HDGFL3: variants seen among roughly 807,000 people sequenced by gnomAD.
HDGFL3 encodes hepatoma-derived growth factor-related protein 3.
Under a neutral mutation model 27.6 loss-of-function variants are expected in HDGFL3, and 6 were observed. The ratio of observed to expected loss-of-function variants is 0.22; its 90% CI spans 0.12 to 0.43. The LOEUF (loss-of-function observed/expected upper bound fraction) is 0.43. HDGFL3 is among the 20% of genes least tolerant of loss of function. The pLI is 1.00. For synonymous variants in HDGFL3, 88 were observed against 88.9 expected (o/e 0.99, Z 0.05); for missense variants, 207 against 250.1 (o/e 0.83, Z 1.16).
intron 1 of HDGFL3, among the ~76,000 whole-genome samples, chr15:83,189,086 T>C (rs1299629171): frequency 4.6e-5 from 7 of 152,058 alleles, no homozygotes; most frequent in Non-Finnish European, 7.4e-5. Flanking sequence ...AACTAACCAC[T>C]TCTTTCTACA....
rs2036351545 is a variant in HDGFL3, at chr15:83,132,901, ACACT to A, written c.*6365_*6368del. 1 of 152,230 alleles carries A rather than the reference ACACT, an allele frequency of 6.6e-6. No individual in the cohort carries two copies. Among genetic ancestry groups the A allele is most frequent in the African/African-American group, 2.4e-5 (1 of 41,448 alleles). 9.4% of individuals were successfully genotyped at this position (152,230 alleles called of 1,614,324 possible). A position where few individuals can be genotyped will look rare whatever the true frequency, so the allele number is the denominator to read the frequency against. On this transcript the variant is annotated 3_prime_UTR_variant, in exon 6 of 6. Transcript: ENST00000299633. ...TTTATGTACTTATCCTTTCATGGAG[ACACT>A]CACAGTAAAAAGGTCAAAAGGTCAA...
intron 1 of HDGFL3, among the ~76,000 whole-genome samples, chr15:83,198,661 G>C (rs1388439490): frequency 6.6e-6 from 1 of 152,172 alleles, no homozygotes; most frequent in Non-Finnish European, 1.5e-5. Flanking sequence ...TAAGGGCCAC[G>C]TGCTAACTCA....
chr15:83,127,450 A>T, downstream of HDGFL3: 1 of 1,613,848 alleles, frequency 6.2e-7, no homozygotes. Flanking sequence ...CTGACATCAC[A>T]TTGATACATG....
intron 5 of HDGFL3, among the ~76,000 whole-genome samples, chr15:83,145,901 T>C (rs2036883967): frequency 1.1e-4 from 1 of 8,812 alleles, no homozygotes; most frequent in South Asian, 7.9e-3. Context: ...TTCTTCCTTT[T>C]TTTTTTTTTT....
At chr15:83,161,760 G>C (rs536011357) in intron 2 of HDGFL3, among the ~76,000 whole-genome samples, 1 of 152,170 alleles carries the variant, frequency 6.6e-6, no homozygotes, top group East Asian at 1.9e-4. Flanking sequence ...TTTTTTTCTG[G>C]ATTATAGATA....
At position 83,157,971 on chromosome 15, in the gene HDGFL3, G is replaced by A. The variant is rs1426059260; in HGVS notation, c.232C>T (p.Arg78Trp). 3.1e-6 allele frequency: 5 copies of A among 1,611,736 alleles called. No individual in the cohort carries two copies. Among genetic ancestry groups the A allele is most frequent in the Non-Finnish European group, 4.2e-6 (5 of 1,178,344 alleles). ...YKDKFGKSNK[R>W]KGFNEGLWEI... Reference sequence around the variant, plus strand: ...CACAATCCTTCGTTAAATCCTTTCCGTTTGTTTGACTTTCCAAACTTGTCT... The same window carrying A: ...CACAATCCTTCGTTAAATCCTTTCCATTTGTTTGACTTTCCAAACTTGTCT... The change falls in exon 3 of 6, where the codon CGG becomes TGG. Residue 78 changes from arginine to tryptophan, a missense_variant. Coordinates refer to ENST00000299633, the MANE Select transcript of HDGFL3 (RefSeq NM_016073.4).
At chr15:83,178,233 A>C (rs2037336944) in intron 1 of HDGFL3, among the ~76,000 whole-genome samples, 2 of 152,228 alleles carry the variant, frequency 1.3e-5, no homozygotes, top group Non-Finnish European at 2.9e-5. Flanking sequence ...TGAATCTACT[A>C]ATGTCAAATA....
At chr15:83,197,843 G>A (rs2151421972) in intron 1 of HDGFL3, among the ~76,000 whole-genome samples, 1 of 151,996 alleles carries the variant, frequency 6.6e-6, no homozygotes, top group Middle Eastern at 3.4e-3. Flanking sequence ...AGACCAGCCT[G>A]CCCAACATGG....
intron 5 of HDGFL3, among the ~76,000 whole-genome samples, chr15:83,139,766 G>A (rs1014045421): frequency 2.6e-5 from 4 of 152,160 alleles, no homozygotes; most frequent in African/African-American, 9.7e-5. Context: ...AGTTAATCAT[G>A]ATGTACAAAG....
At position 83,136,542 on chromosome 15, in the gene HDGFL3, C is replaced by A. The variant is rs1391350673; in HGVS notation, c.*2728G>T. ...AGAACTGCTTATGTCTACAGAGTCC[C>A]TGAAGAAGCAAAAATCCTTTTTTTA... On this transcript the variant is annotated 3_prime_UTR_variant, in exon 6 of 6. Coordinates refer to ENST00000299633, the MANE Select transcript of HDGFL3 (RefSeq NM_016073.4). 3.1e-6 allele frequency: 5 copies of A among 1,613,584 alleles called. No individual in the cohort carries two copies. The South Asian group carries it at 5.5e-5, about 18-fold the overall frequency.
chr15:83,191,835 A>T (rs1433984904), intron 1 of HDGFL3, among the ~76,000 whole-genome samples: 1 of 152,124 alleles, frequency 6.6e-6, no homozygotes, highest in Non-Finnish European at 1.5e-5. Flanking sequence ...AAGCATGATA[A>T]TCCATCAAAT....
intron 5 of HDGFL3, among the ~76,000 whole-genome samples, chr15:83,140,480 AGT>A (rs2036746119): frequency 1.8e-5 from 2 of 111,010 alleles, no homozygotes; most frequent in Non-Finnish European, 1.8e-5. Context: ...AACCAAAGAA[AGT>A]TTTTTTTTTT....
intron 4 of HDGFL3, among the ~76,000 whole-genome samples, chr15:83,153,365 T>G (rs1180930594): frequency 6.6e-6 from 1 of 152,156 alleles, no homozygotes; most frequent in Admixed American, 6.5e-5. Flanking sequence ...TTTCTAATGC[T>G]CATAAAGGAT....
chr15:83,200,323 A>G (rs1348598713), intron 1 of HDGFL3, among the ~76,000 whole-genome samples: 2 of 151,748 alleles, frequency 1.3e-5, no homozygotes, highest in African/African-American at 2.4e-5. Context: ...TGACAGAGCA[A>G]GACTCCATCT....
exon 4 of HDGFL3, chr15:83,113,150 C>T (rs1374671942): frequency 1.8e-6 from 1 of 553,860 alleles, no homozygotes. Flanking sequence ...CCCTGCCAAC[C>T]CCAGCATGCT....
At chr15:83,175,236 C>G (rs2037294446) in intron 1 of HDGFL3, among the ~76,000 whole-genome samples, 2 of 152,258 alleles carry the variant, frequency 1.3e-5, no homozygotes, top group African/African-American at 4.8e-5. Flanking sequence ...CCCCCTGGAA[C>G]AAATATTGTA....
intron 1 of HDGFL3, chr15:83,192,384 T>C (rs2037521857): frequency 4.5e-6 from 2 of 440,550 alleles, no homozygotes; most frequent in African/African-American, 4.0e-5. Context: ...AAACATTTAA[T>C]TATGGAAAGC....
chr15:83,198,182 T>C (rs1323741514), intron 1 of HDGFL3, among the ~76,000 whole-genome samples: 1 of 151,500 alleles, frequency 6.6e-6, no homozygotes, highest in Non-Finnish European at 1.5e-5. Context: ...TCAGGGGACA[T>C]ATTGGCCTGG....
exon 4 of HDGFL3, chr15:83,113,968 T>C (rs766281150): frequency 6.6e-6 from 1 of 152,212 alleles, no homozygotes; most frequent in African/African-American, 2.4e-5. Flanking sequence ...GTAACTAGTT[T>C]CTCCCAATCC....
Sources: gnomAD v4.1 joint callset for allele counts (sites outside exome capture counted in the v4.1 genomes callset) on GRCh38, gnomAD v4.1.1 for gene constraint, MANE v1.5 for transcripts, NCBI Gene and HGNC (gene_info 2026-07-23, HGNC 2026-07-21) for gene names.